The following SEM1 variants were observed in gnomAD, a reference collection of about 807,000 sequenced individuals.
The protein encoded by SEM1 is 26S proteasome complex subunit SEM1.
In SEM1, 3 loss-of-function variants were observed where a neutral mutation model predicts 12.7. That is an observed-to-expected ratio of 0.24 (90% CI 0.11 to 0.61). The LOEUF (loss-of-function observed/expected upper bound fraction) is 0.61, where lower values mean the gene tolerates loss of function less well. SEM1 is among the 20% of genes least tolerant of loss of function. The pLI is 0.88. For missense variants in SEM1, 59 were observed against 81.3 expected (o/e 0.73, Z 1.06); for synonymous variants, 30 against 27.8 (o/e 1.08, Z -0.25).
In SEM1 at chr7:96,493,490, C is replaced by T. The variant is rs184503643; in HGVS notation, c.12+2794G>A. On this transcript the variant is annotated intron_variant, in intron 1 of 3. Coordinates refer to the SEM1 transcript ENST00000356686. ...CCATTGTTTATTTCTTCAAAGTATC[C>T]TCAAGATTGGGTTATTTTCATTAAT... Among the ~76,000 whole-genome samples, 338 of 152,128 alleles carry T rather than the reference C, an allele frequency of 2.2e-3. 11 individuals carry two copies. The highest frequency in any genetic ancestry group is 0.022 in the Admixed American group (333 of 15,276).
At chr7:96,706,696 T>G (rs1790478097) in intron 1 of SEM1, among the ~76,000 whole-genome samples, 1 of 149,846 alleles carries the variant, frequency 6.7e-6, no homozygotes, top group Non-Finnish European at 1.5e-5. Flanking sequence ...GCAACGCCAC[T>G]CCCAAAAGAA....
At chr7:96,642,281 A>T (rs1394053877) in intron 2 of SEM1, among the ~76,000 whole-genome samples, 1 of 152,130 alleles carries the variant, frequency 6.6e-6, no homozygotes, top group Non-Finnish European at 1.5e-5. Flanking sequence ...ATTCCTTTAT[A>T]GAATAACCAG....
chr7:96,650,627 G>T lies in SEM1; in HGVS notation c.171-27984C>A, dbSNP rs961761022. The T allele has an allele frequency of 2.0e-5, 13 of 653,970 alleles. No individual in the cohort carries two copies. The Admixed American group carries it at 2.4e-4, about 12-fold the overall frequency. The allele number at this position is 653,970 out of a possible 1,614,324, so 40.5% of individuals were successfully genotyped here. On this transcript the variant is annotated intron_variant, in intron 2 of 2. Coordinates refer to the SEM1 transcript ENST00000417009. The stretch of plus-strand genomic sequence containing the variant: ...AAAAGACATTACTTAGAATTTAAAT[G>T]AAACCCCCCAAGTTCCAAATTTAAA...
intron 2 of SEM1, among the ~76,000 whole-genome samples, chr7:96,615,331 C>A (rs1464014310): frequency 7.2e-6 from 1 of 138,986 alleles, no homozygotes; most frequent in African/African-American, 2.6e-5. Context: ...CGGCTTACTG[C>A]AACCTCCACC....
At chr7:96,592,617 A>G (rs909421198) in intron 2 of SEM1, among the ~76,000 whole-genome samples, 93 of 151,734 alleles carry the variant, frequency 6.1e-4, no homozygotes, top group African/African-American at 2.2e-3. Context: ...ACAGAAAACC[A>G]TTAGCACAAG....
chr7:96,508,653 T>C (rs916727113), intron 2 of SEM1, among the ~76,000 whole-genome samples: 4 of 152,158 alleles, frequency 2.6e-5, no homozygotes, highest in African/African-American at 9.7e-5. Context: ...CACACTGTTA[T>C]TACTGTCAAT....
intron 2 of SEM1, chr7:96,484,967 G>T: frequency 1.7e-6 from 1 of 581,728 alleles, no homozygotes; most frequent in Non-Finnish European, 2.7e-6. Flanking sequence ...TTCCTGTTGA[G>T]ACTGACAAAA....
At position 96,645,004 on chromosome 7, in the gene SEM1, C is replaced by T. The variant is rs182246290; in HGVS notation, c.171-22361G>A. 5.0e-3 allele frequency among the ~76,000 whole-genome samples: 757 copies of T among 152,162 alleles called. 8 individuals carry two copies. The highest frequency in any genetic ancestry group is 0.017 in the African/African-American group (721 of 41,514). Reference sequence around the variant, plus strand: ...TATTATAAAATGAGTACATTTATAACATAGAAAATATATTTTAAGAAATGT... The same window carrying T: ...TATTATAAAATGAGTACATTTATAATATAGAAAATATATTTTAAGAAATGT... On this transcript the variant is annotated intron_variant, in intron 2 of 2. Coordinates refer to the SEM1 transcript ENST00000417009.
intron 2 of SEM1, among the ~76,000 whole-genome samples, chr7:96,641,382 A>C (rs987548810): frequency 6.6e-6 from 1 of 151,706 alleles, no homozygotes; most frequent in Non-Finnish European, 1.5e-5. Flanking sequence ...CTTTTCTTAG[A>C]GTTACTTTAT....
chr7:96,588,585 G>GA (rs1383996179), intron 2 of SEM1, among the ~76,000 whole-genome samples: 3 of 151,624 alleles, frequency 2.0e-5, no homozygotes, highest in Non-Finnish European at 4.4e-5. Context: ...TAATAAGGAA[G>GA]AAAAAAAGAC....
exon 4 of SEM1, chr7:96,482,199 G>A (rs1334655658): frequency 6.6e-6 from 1 of 152,028 alleles, no homozygotes; most frequent in Non-Finnish European, 1.5e-5. Flanking sequence ...AAGGATACAG[G>A]GAAGAGATAC....
chr7:96,703,700 G>GT (rs1790344236), intron 1 of SEM1, among the ~76,000 whole-genome samples: 2 of 151,428 alleles, frequency 1.3e-5, no homozygotes, highest in Non-Finnish European at 2.9e-5. Context: ...TGTAATCCCA[G>GT]CACCTGGGAA....
intron 2 of SEM1, among the ~76,000 whole-genome samples, chr7:96,563,236 A>G (rs1454682174): frequency 1.3e-5 from 2 of 152,126 alleles, no homozygotes; most frequent in Non-Finnish European, 2.9e-5. Context: ...GGAGGTGGGT[A>G]GAGTGGCATT....
intron 3 of SEM1, among the ~76,000 whole-genome samples, chr7:96,503,940 G>A (rs2117275170): frequency 6.6e-6 from 1 of 152,196 alleles, no homozygotes; most frequent in Admixed American, 6.5e-5. Context: ...ATCCTGCAGT[G>A]CTCACAGCTG....
chr7:96,615,271 CAG>C (rs1195413033), intron 2 of SEM1, among the ~76,000 whole-genome samples: 1 of 37,274 alleles, frequency 2.7e-5, no homozygotes. Flanking sequence ...TTTTTGGAGA[CAG>C]AGTCTCGCTC....
At chr7:96,654,290 C>CTTA (rs149915318) in intron 2 of SEM1, among the ~76,000 whole-genome samples, 7,747 of 152,206 alleles carry the variant, frequency 0.051, 242 homozygotes, top group South Asian at 0.09. Flanking sequence ...AAGAGCTGAA[C>CTTA]TTAGGGCTGT....
chr7:96,653,036 TACA>T (rs1161987679), intron 2 of SEM1, among the ~76,000 whole-genome samples: 1 of 152,196 alleles, frequency 6.6e-6, no homozygotes, highest in Non-Finnish European at 1.5e-5. Flanking sequence ...CATGACCTAA[TACA>T]ACAATTCTAT....
intron 1 of SEM1, among the ~76,000 whole-genome samples, chr7:96,701,017 C>T (rs1421379509): frequency 6.6e-6 from 1 of 151,878 alleles, no homozygotes; most frequent in Non-Finnish European, 1.5e-5. Flanking sequence ...TCAAATAATT[C>T]ACAAATTTAA....
chr7:96,657,763 G>A (rs140913574), intron 2 of SEM1, among the ~76,000 whole-genome samples: 173 of 152,358 alleles, frequency 1.1e-3, no homozygotes, highest in African/African-American at 4.1e-3. Flanking sequence ...GGCACAGAGT[G>A]TGTCTTGCTA....
Sources: allele counts gnomAD v4.1 joint callset (sites outside exome capture counted in the v4.1 genomes callset), GRCh38; gene constraint gnomAD v4.1.1; transcripts MANE v1.5; gene names NCBI Gene and HGNC (gene_info 2026-07-23, HGNC 2026-07-21).